The following SLC44A1 variants were observed in gnomAD, a reference collection of about 807,000 sequenced individuals.
SLC44A1 encodes the protein choline transporter-like protein 1.
In SLC44A1, 26 loss-of-function variants were observed where a neutral mutation model predicts 79.3. The ratio of observed to expected loss-of-function variants is 0.33; its 90% confidence interval spans 0.24 to 0.46. The LOEUF is 0.46. Ranked by LOEUF, SLC44A1 falls within the 20% of genes least tolerant of loss-of-function variation. The pLI is 1.00. For synonymous variants in SLC44A1, 263 were observed against 286.2 expected (o/e 0.92, Z 0.82); for missense variants, 688 against 798.1 (o/e 0.86, Z 1.66).
chr9:105,299,494 T>C (rs764161927), intron 2 of SLC44A1, among the ~76,000 whole-genome samples, 185 bp downstream of exon 2: 1 of 152,246 alleles, frequency 6.6e-6, no homozygotes. Context: ...CTGGGACTCA[T>C]ATGCCATTCA....
At chr9:105,399,231 C>T (rs530444516), downstream of SLC44A1, among the ~76,000 whole-genome samples, 1 of 152,216 alleles carries the variant, frequency 6.6e-6, no homozygotes, top group Non-Finnish European at 1.5e-5. Flanking sequence ...TAGACCATTT[C>T]ATGGGCTTAT....
At position 105,356,212 on chromosome 9, in the gene SLC44A1, T is replaced by C; in HGVS notation, c.501T>C (p.Ser167=). The C allele has an allele frequency of 6.2e-7, 1 of 1,611,412 alleles. No individual in the cohort carries two copies. The highest frequency in any genetic ancestry group is 8.5e-7 in the Non-Finnish European group (1 of 1,179,006). The change falls in exon 6 of 16, where the codon AGT becomes AGC. Residue 167 remains serine (S), a splice_region_variant and synonymous_variant. Transcript: ENST00000374720. ...VLCPKLPVPA[S]APIPFFHRCA... Reference sequence around the variant, plus strand: ...TGATTTTTTTTTCTTGTGTCACCAGTGCACCTATTCCATTCTTCCATCGCT... The same window carrying C: ...TGATTTTTTTTTCTTGTGTCACCAGCGCACCTATTCCATTCTTCCATCGCT...
intron 5 of SLC44A1, among the ~76,000 whole-genome samples, chr9:105,349,002 T>C (rs1273233236): frequency 6.6e-6 from 1 of 152,198 alleles, no homozygotes; most frequent in Non-Finnish European, 1.5e-5. Flanking sequence ...CTACTGTGCA[T>C]GATGGATACA....
At chr9:105,262,229 T>C (rs933121176) in intron 1 of SLC44A1, among the ~76,000 whole-genome samples, 3 of 152,116 alleles carry the variant, frequency 2.0e-5, no homozygotes, top group Non-Finnish European at 4.4e-5. Flanking sequence ...ATTTTTGAAG[T>C]TTGGTTTGTG....
At chr9:105,311,884 G>A (rs1831190583) in intron 3 of SLC44A1, among the ~76,000 whole-genome samples, 1 of 152,186 alleles carries the variant, frequency 6.6e-6, no homozygotes, top group South Asian at 2.1e-4. Flanking sequence ...AAAAGCAGCA[G>A]TCTTTGTGTT....
At chr9:105,283,941 G>A (rs997624423) in intron 1 of SLC44A1, among the ~76,000 whole-genome samples, 1 of 152,188 alleles carries the variant, frequency 6.6e-6, no homozygotes, top group Non-Finnish European at 1.5e-5. Flanking sequence ...TCAGATGAAG[G>A]GAAGGGGAGT....
chr9:105,385,926 A>G lies in SLC44A1; in HGVS notation c.1950+424A>G, dbSNP rs566641763. 14 of 985,368 alleles carry G rather than the reference A, an allele frequency of 1.4e-5. No homozygotes were observed. In the East Asian group the frequency reaches 3.4e-4, roughly 24 times the overall value. The allele number at this position is 985,368 out of a possible 1,614,324, so 61.0% of individuals were successfully genotyped here. A position where few individuals can be genotyped will look rare whatever the true frequency, so the allele number is the denominator to read the frequency against. ...AATTCCTTTCAACTTGCTAAAATTC[A>G]TACTCCCCCTTTTAAAAGTATGGTT... On this transcript the variant is annotated intron_variant, in intron 15 of 15. Coordinates refer to ENST00000374720, the MANE Select transcript of SLC44A1 (RefSeq NM_080546.5).
At chr9:105,270,253 T>A (rs960218149) in intron 1 of SLC44A1, among the ~76,000 whole-genome samples, 12 of 152,090 alleles carry the variant, frequency 7.9e-5, no homozygotes, top group African/African-American at 2.2e-4. Context: ...TTCTAAAAAA[T>A]TTTCTCCTAA....
At chr9:105,406,849 A>G (rs1025924318) in intron 15 of SLC44A1, among the ~76,000 whole-genome samples, 18 of 152,210 alleles carry the variant, frequency 1.2e-4, no homozygotes, top group African/African-American at 3.6e-4. Context: ...CAAAGACACA[A>G]AGAAAGTGAA....
intron 3 of SLC44A1, among the ~76,000 whole-genome samples, chr9:105,330,757 A>G (rs1826725329): frequency 6.6e-6 from 1 of 152,214 alleles, no homozygotes; most frequent in Non-Finnish European, 1.5e-5. Flanking sequence ...ATATCCATTT[A>G]AAAATAAACC....
intron 1 of SLC44A1, among the ~76,000 whole-genome samples, chr9:105,274,460 C>G (rs921538045): frequency 1.3e-5 from 2 of 152,114 alleles, no homozygotes; most frequent in Non-Finnish European, 2.9e-5. Flanking sequence ...TCCTGATGAG[C>G]CAGTTCATAT....
chr9:105,268,662 A>G (rs369691314), intron 1 of SLC44A1, among the ~76,000 whole-genome samples: 3 of 151,986 alleles, frequency 2.0e-5, no homozygotes, highest in South Asian at 2.1e-4. Context: ...CACCACGCCC[A>G]GCTAATTTTT....
chr9:105,325,394 A>G (rs1826541095), intron 3 of SLC44A1, among the ~76,000 whole-genome samples: 1 of 152,246 alleles, frequency 6.6e-6, no homozygotes, highest in African/African-American at 2.4e-5. Context: ...TGCCTACAGC[A>G]GAATACCTGC....
At chr9:105,261,770 T>G (rs1485266825) in intron 1 of SLC44A1, among the ~76,000 whole-genome samples, 1 of 139,850 alleles carries the variant, frequency 7.2e-6, no homozygotes, top group African/African-American at 2.9e-5. Flanking sequence ...TGTTTCTCTC[T>G]CTCTCTTTTT....
chr9:105,377,389 C>A (rs1435459804), intron 13 of SLC44A1, among the ~76,000 whole-genome samples: 2 of 151,910 alleles, frequency 1.3e-5, no homozygotes, highest in African/African-American at 4.8e-5. Context: ...AATTCCAAAC[C>A]CCTACCCCAC....
At chr9:105,297,548 T>C (rs1250790762) in intron 1 of SLC44A1, among the ~76,000 whole-genome samples, 1 of 152,116 alleles carries the variant, frequency 6.6e-6, no homozygotes, top group Non-Finnish European at 1.5e-5. Context: ...CACACCCGTT[T>C]AACTTTGTAT....
intron 1 of SLC44A1, among the ~76,000 whole-genome samples, chr9:105,293,451 T>G (rs1179557167): frequency 1.3e-5 from 2 of 152,240 alleles, no homozygotes; most frequent in Non-Finnish European, 2.9e-5. Flanking sequence ...TTTTGGACCC[T>G]ACCTGCCTCA....
At chr9:105,418,226 A>G (rs1829197939) in intron 15 of SLC44A1, among the ~76,000 whole-genome samples, 1 of 150,918 alleles carries the variant, frequency 6.6e-6, no homozygotes, top group Non-Finnish European at 1.5e-5. Flanking sequence ...AGGCAGGAGA[A>G]TCTCTTGAAC....
chr9:105,411,500 CCTT>C (rs1252380676), intron 15 of SLC44A1, among the ~76,000 whole-genome samples: 3 of 148,040 alleles, frequency 2.0e-5, no homozygotes, highest in Non-Finnish European at 3.0e-5. Context: ...ATTTTACAGA[CCTT>C]CTTTAAATTT....
Sources: gnomAD v4.1 joint callset for allele counts (sites outside exome capture counted in the v4.1 genomes callset) on GRCh38, gnomAD v4.1.1 for gene constraint, MANE v1.5 for transcripts, NCBI Gene and HGNC (gene_info 2026-07-23, HGNC 2026-07-21) for gene names.